Variants in MVB12B observed in about 807,000 individuals in gnomAD.
MVB12B encodes the protein ESCRT-I complex subunit MVB12B.
A neutral mutation model predicts 41.6 loss-of-function variants in MVB12B; 16 were observed. The observed-to-expected ratio is 0.38, with a 90% CI of 0.26 to 0.58. MVB12B has a LOEUF of 0.58. Ranked by LOEUF, MVB12B falls within the 20% of genes least tolerant of loss-of-function variation. The pLI is 0.62. For synonymous variants in MVB12B, 133 were observed against 139.7 expected (o/e 0.95, Z 0.34); for missense variants, 274 against 380.2 (o/e 0.72, Z 2.32).
chr9:126,501,582 C>T (rs1833958600), intron 9 of MVB12B, among the ~76,000 whole-genome samples: 1 of 152,204 alleles, frequency 6.6e-6, no homozygotes, highest in Non-Finnish European at 1.5e-5. Context: ...CAGCCATGGA[C>T]ATAGTGCTGG....
intron 9 of MVB12B, among the ~76,000 whole-genome samples, chr9:126,493,148 ATAGT>A (rs1333912950): frequency 1.6e-4 from 24 of 152,242 alleles, no homozygotes; most frequent in African/African-American, 5.3e-4. Flanking sequence ...GCTTTGTGTC[ATAGT>A]TAGATTATGA....
chr9:126,484,459 G>A (rs991223317), intron 9 of MVB12B, among the ~76,000 whole-genome samples: 7 of 151,994 alleles, frequency 4.6e-5, no homozygotes, highest in Non-Finnish European at 5.9e-5. Flanking sequence ...GGCAGGTCAG[G>A]GTACCTTCCA....
At chr9:126,458,901 G>A (rs1343427997) in intron 7 of MVB12B, among the ~76,000 whole-genome samples, 2 of 152,114 alleles carry the variant, frequency 1.3e-5, no homozygotes, top group African/African-American at 4.8e-5. Context: ...GAGAGAGACC[G>A]AAAAAACACC....
At chr9:126,430,033 GC>G (rs1196281623) in intron 7 of MVB12B, among the ~76,000 whole-genome samples, 1 of 152,170 alleles carries the variant, frequency 6.6e-6, no homozygotes, top group African/African-American at 2.4e-5. Flanking sequence ...AAGGCCGTGG[GC>G]CCGGGCCTTC....
rs35160593 is a variant in MVB12B, at chr9:126,476,876, CAA to C, written c.758-4473_758-4472del. 2.7e-3 allele frequency among the ~76,000 whole-genome samples: 175 copies of C among 63,792 alleles called. 1 individual carries two copies. The highest frequency in any genetic ancestry group is 9.0e-3 in the African/African-American group (145 of 16,064). The allele number at this position is 63,792 out of a possible 152,430, so 41.9% of individuals were successfully genotyped here. A position where few individuals can be genotyped will look rare whatever the true frequency, so the allele number is the denominator to read the frequency against. On this transcript the variant is annotated intron_variant, in intron 7 of 9. Coordinates refer to ENST00000361171, the MANE Select transcript of MVB12B (RefSeq NM_033446.3). Reference sequence around the variant, plus strand: ...TGGGAGACAGAGCGAGACTCCATCTCAAAAAAAAAAAAAAAAAAAAATGTAAA... The same window carrying C: ...TGGGAGACAGAGCGAGACTCCATCTCAAAAAAAAAAAAAAAAAAATGTAAA...
intron 7 of MVB12B, among the ~76,000 whole-genome samples, chr9:126,455,960 G>A (rs1396923445): frequency 3.6e-5 from 5 of 138,238 alleles, no homozygotes; most frequent in Non-Finnish European, 7.5e-5. Context: ...GTGTGATATC[G>A]GCTCACTGCA....
intron 7 of MVB12B, among the ~76,000 whole-genome samples, chr9:126,452,426 G>A (rs1380127876): frequency 6.6e-6 from 1 of 152,226 alleles, no homozygotes; most frequent in African/African-American, 2.4e-5. Flanking sequence ...GACCCTGCGG[G>A]CCCACGGGGT....
intron 7 of MVB12B, among the ~76,000 whole-genome samples, chr9:126,460,087 G>A (rs953594111): frequency 2.0e-5 from 3 of 152,078 alleles, no homozygotes; most frequent in African/African-American, 7.2e-5. Context: ...GGGGCCCCTA[G>A]GGGTCCCCAA....
chr9:126,334,001 G>C (rs1281833352), intron 1 of MVB12B, among the ~76,000 whole-genome samples: 1 of 152,190 alleles, frequency 6.6e-6, no homozygotes, highest in Non-Finnish European at 1.5e-5. Context: ...TCTTAGACCA[G>C]CTCAGGCCTA....
chr9:126,438,091 T>C (rs1832534862), intron 7 of MVB12B, among the ~76,000 whole-genome samples: 1 of 152,244 alleles, frequency 6.6e-6, no homozygotes, highest in Non-Finnish European at 1.5e-5. Flanking sequence ...TTATGAAGAA[T>C]GCCTAATTCA....
chr9:126,422,270 C>T (rs372509308), intron 7 of MVB12B, among the ~76,000 whole-genome samples: 1 of 152,206 alleles, frequency 6.6e-6, no homozygotes, highest in Non-Finnish European at 1.5e-5. Flanking sequence ...CACGGGGCCT[C>T]GGGAGCAGCG....
intron 2 of MVB12B, among the ~76,000 whole-genome samples, chr9:126,375,656 G>A (rs1445768610): frequency 6.6e-6 from 1 of 152,122 alleles, no homozygotes; most frequent in African/African-American, 2.4e-5. Flanking sequence ...TTCTGCTGAT[G>A]CATCCTCCAG....
chr9:126,365,332 C>CTT (rs11461253), intron 2 of MVB12B, among the ~76,000 whole-genome samples: 27,159 of 119,778 alleles, frequency 0.23, 4,052 homozygotes, highest in Non-Finnish European at 0.32. Context: ...CCCAAAGTGT[C>CTT]TTTTTTTTTT....
At chr9:126,487,651 G>A (rs1445594827) in intron 9 of MVB12B, among the ~76,000 whole-genome samples, 1 of 152,016 alleles carries the variant, frequency 6.6e-6, no homozygotes, top group Admixed American at 6.6e-5. Flanking sequence ...TGTAGTCCCA[G>A]CTACTCAGGC....
rs1328912746 is a variant in MVB12B, at chr9:126,480,378, T to A, written c.758-991T>A. On this transcript the variant is annotated intron_variant, in intron 7 of 9. Coordinates refer to ENST00000361171, the MANE Select transcript of MVB12B (RefSeq NM_033446.3). The surrounding 1 kb of genome is among the most constrained non-coding windows in gnomAD (Gnocchi z 4.9). ...TGCCGGCATCACGTCTCGTCCAGTG[T>A]GACCTGTTCCTCAATGTGGCAGGAT... 6.6e-6 allele frequency among the ~76,000 whole-genome samples: 1 copy of A among 152,198 alleles called. No homozygotes were observed. The highest frequency in any genetic ancestry group is 1.9e-4 in the East Asian group (1 of 5,190).
At chr9:126,439,296 T>A (rs1257226885) in intron 7 of MVB12B, among the ~76,000 whole-genome samples, 1 of 150,036 alleles carries the variant, frequency 6.7e-6, no homozygotes, top group Non-Finnish European at 1.5e-5. Context: ...GGCAGGGAGC[T>A]CACAGGGTCT....
chr9:126,339,166 C>A (rs1829368211), intron 1 of MVB12B, among the ~76,000 whole-genome samples: 3 of 152,186 alleles, frequency 2.0e-5, no homozygotes, highest in African/African-American at 7.2e-5. Context: ...TTGTGGGTTC[C>A]ACTGACTTCA....
At chr9:126,501,281 G>A (rs542225393) in intron 9 of MVB12B, among the ~76,000 whole-genome samples, 5 of 152,318 alleles carry the variant, frequency 3.3e-5, no homozygotes, top group Admixed American at 6.5e-5. Context: ...ATCTACCATC[G>A]CTCATTCCAT....
In MVB12B at chr9:126,505,476, C is replaced by T. The variant is rs1564356903; in HGVS notation, c.*2213C>T. The T allele has an allele frequency of 6.6e-6, 1 of 152,246 alleles. No homozygotes were observed. The highest frequency in any genetic ancestry group is 1.5e-5 in the Non-Finnish European group (1 of 68,052). The allele number at this position is 152,246 out of a possible 1,614,324, so 9.4% of individuals were successfully genotyped here. On this transcript the variant is annotated 3_prime_UTR_variant, in exon 10 of 10. Transcript: ENST00000361171. ...CTCAAGCGAGCTGGAGCCATCTTCT[C>T]CATAGCATTACGGACTTAGCATAAG...
Sources: allele counts gnomAD v4.1 joint callset (sites outside exome capture counted in the v4.1 genomes callset), GRCh38; gene constraint gnomAD v4.1.1; non-coding constraint Gnocchi (gnomAD v3.1); transcripts MANE v1.5; gene names NCBI Gene and HGNC (gene_info 2026-07-23, HGNC 2026-07-21).